Variants in PRPF40B observed in about 807,000 individuals in gnomAD.
PRPF40B encodes pre-mRNA processing factor 40B.
A neutral mutation model predicts 124.5 loss-of-function variants in PRPF40B; 56 were observed. That is an observed-to-expected ratio of 0.45 (90% CI 0.36 to 0.56). PRPF40B has a LOEUF of 0.56. Among genes scored for constraint, PRPF40B ranks in the 20% least tolerant of loss-of-function variants. The pLI is 0.00. For synonymous variants in PRPF40B, 443 were observed against 426.4 expected (o/e 1.04, Z -0.48); for missense variants, 1,053 against 1,169.5 (o/e 0.90, Z 1.45).
intron 22 of PRPF40B, 99 bp from the exon 23 acceptor site, chr12:49,643,124 C>G (rs2138662797): frequency 6.3e-7 from 1 of 1,584,926 alleles, no homozygotes; most frequent in Non-Finnish European, 8.6e-7. Context: ...TTTGAGGATT[C>G]CTTTGGCCCT....
intron 18 of PRPF40B, chr12:49,641,644 T>C (rs1942667809): frequency 1.1e-5 from 5 of 459,110 alleles, no homozygotes; most frequent in Non-Finnish European, 1.9e-5. Flanking sequence ...AAGTTAATTT[T>C]GAGAAACTCA....
rs1489356022 is a variant in PRPF40B, at chr12:49,632,162, C to T, written c.294+237C>T. ...GTTACTCACGTGCCTTGTCCAGCTC[C>T]CTTAAGGAGCACACTTATCCTCACA... is the stretch of plus-strand genomic sequence containing the variant. On this transcript the variant is annotated intron_variant, in intron 4 of 25. Transcript: ENST00000548825. The T allele has an allele frequency of 8.2e-6, 5 of 607,100 alleles. No homozygotes were observed. The Admixed American group carries it at 1.4e-4, about 17-fold the overall frequency. 37.6% of individuals were successfully genotyped at this position (607,100 alleles called of 1,614,324 possible).
In PRPF40B at chr12:49,642,358, ACT is replaced by A. The variant is rs779645254; in HGVS notation, c.2009_2010del (p.Thr670SerfsTer7). On this transcript the variant is annotated frameshift_variant, in exon 20 of 26. Coordinates refer to ENST00000548825, the MANE Select transcript of PRPF40B (RefSeq NM_001031698.3). LOFTEE classifies it high-confidence loss of function. This position sits in a 1 kb window ranked among gnomAD's most constrained non-coding sequence, Gnocchi z 5.8. The part of the protein sequence containing the change: ...RQAVPALELG[T>X]AWEEVRERFV... ...GGCTGTGCCTGCTCTGGAGCTAGGCACTGCCTGGGAAGAGGTCAGGAGCGTAG... is the reference window on the plus strand; with the variant it reads ...GGCTGTGCCTGCTCTGGAGCTAGGCAGCCTGGGAAGAGGTCAGGAGCGTAG... The A allele has an allele frequency of 6.2e-7, 1 of 1,613,838 alleles. No individual in the cohort carries two copies. The highest frequency in any genetic ancestry group is 1.3e-5 in the African/African-American group (1 of 75,040).
intron 16 of PRPF40B, 153 bp downstream of exon 16, chr12:49,637,002 T>C (rs955996605): frequency 8.7e-7 from 1 of 1,151,516 alleles, no homozygotes; most frequent in Non-Finnish European, 1.2e-6. Context: ...CTGCAGTCTG[T>C]TTCTGCTGTA....
intron 16 of PRPF40B, 65 bp from the exon 17 acceptor site, chr12:49,637,405 C>T (rs1460493303): frequency 2.7e-5 from 30 of 1,107,810 alleles, no homozygotes; most frequent in African/African-American, 4.6e-5. Flanking sequence ...TCCCTCTCTT[C>T]CCCCTCAGTC....
rs544149885 is a variant in PRPF40B, at chr12:49,635,155, G to A, written c.1058G>A (p.Arg353Gln). Reference sequence around the variant, plus strand: ...GCATTCAATGCCTACAAGGCGCAGCGGGAGAAGGAGGAGAAGGAGGAGGCC... The same window carrying A: ...GCATTCAATGCCTACAAGGCGCAGCAGGAGAAGGAGGAGAAGGAGGAGGCC... ...KQAFNAYKAQREKEEKEEARL... is the reference protein window; with the variant it reads ...KQAFNAYKAQQEKEEKEEARL... The change falls in exon 13 of 26, where the codon CGG (arginine) becomes CAG (glutamine). Residue 353 changes from arginine to glutamine, a missense_variant. This residue lies in a region of PRPF40B where 895 missense variants were observed against 1,052.2 expected (regional missense o/e 0.85). Coordinates refer to ENST00000548825, the MANE Select transcript of PRPF40B (RefSeq NM_001031698.3). The surrounding 1 kb of genome is among the most constrained non-coding windows in gnomAD (Gnocchi z 4.1). 2.6e-5 allele frequency: 42 copies of A among 1,614,056 alleles called. No individual in the cohort carries two copies. The Admixed American group carries it at 5.0e-4, about 19-fold the overall frequency.
Position 49,643,885 on chromosome 12 carries a change from C to G in PRPF40B, c.2467C>G (p.Pro823Ala). The G allele has an allele frequency of 6.2e-7, 1 of 1,614,072 alleles. No homozygotes were observed. The highest frequency in any genetic ancestry group is 1.3e-5 in the African/African-American group (1 of 74,974). Residue 823 changes from proline (P) to alanine (A), a missense_variant, in exon 25 of 26, where the codon CCT (proline) becomes GCT (alanine). By Grantham distance (27) the Pro-to-Ala change is conservative. Coordinates refer to ENST00000548825, the MANE Select transcript of PRPF40B (RefSeq NM_001031698.3). Reference sequence around the variant, plus strand: ...GAATAGTCCTGAGAGTGAGACAGACCCTGAGGAGAAAGCTGGCAAGGAGAG... The same window carrying G: ...GAATAGTCCTGAGAGTGAGACAGACGCTGAGGAGAAAGCTGGCAAGGAGAG... ...KSNSPESETD[P>A]EEKAGKESDE...
In PRPF40B at chr12:49,632,424, G is replaced by A. The variant is rs554158092; in HGVS notation, c.295-172G>A. 13 of 698,180 alleles carry A rather than the reference G, an allele frequency of 1.9e-5. No individual in the cohort carries two copies. In the East Asian group the frequency reaches 3.3e-4, roughly 18 times the overall value. The allele number at this position is 698,180 out of a possible 1,614,324, so 43.2% of individuals were successfully genotyped here. The stretch of plus-strand genomic sequence containing the variant: ...TGGAGCTGCTATGCGATTCTCCCTT[G>A]GGATCCCAGAGCTATGGCCCTGAAG... On this transcript the variant is annotated intron_variant, in intron 4 of 25. Transcript: ENST00000548825.
chr12:49,629,880 A>C (rs1047480417), intron 1 of PRPF40B, among the ~76,000 whole-genome samples: 2 of 152,210 alleles, frequency 1.3e-5, no homozygotes, highest in Non-Finnish European at 2.9e-5. Context: ...ATAGTTCAGG[A>C]TTTGTAGAGG....
chr12:49,632,624 G>C lies in PRPF40B; in HGVS notation c.322+1G>C. ...GCTCCGGGTGCGGACACCGCCAGCTGTGAGTCTTCTGGGGGCCTGCTCCCC... is the reference window on the plus strand; with the variant it reads ...GCTCCGGGTGCGGACACCGCCAGCTCTGAGTCTTCTGGGGGCCTGCTCCCC... On this transcript the variant is annotated splice_donor_variant, in intron 5 of 25. Transcript: ENST00000548825. LOFTEE classifies it high-confidence loss of function. The C allele has an allele frequency of 6.2e-7, 1 of 1,613,822 alleles. No individual in the cohort carries two copies. Among genetic ancestry groups the C allele is most frequent in the Non-Finnish European group, 8.5e-7 (1 of 1,179,914 alleles).
Position 49,631,317 on chromosome 12 carries a change from G to A in PRPF40B, c.85-84G>A. ...GGGTGGAGGGTTGGGGAGGGAGGTG[G>A]TGGATATTTCCTGACAGGTCCTCTC... On this transcript the variant is annotated intron_variant, in intron 2 of 25. Coordinates refer to ENST00000548825, the MANE Select transcript of PRPF40B (RefSeq NM_001031698.3). This position sits in a 1 kb window ranked among gnomAD's most constrained non-coding sequence, Gnocchi z 4.3. 3 of 995,318 alleles carry A rather than the reference G, an allele frequency of 3.0e-6. No homozygotes were observed. The highest frequency in any genetic ancestry group is 4.4e-6 in the Non-Finnish European group (3 of 689,654). The allele number at this position is 995,318 out of a possible 1,614,324, so 61.7% of individuals were successfully genotyped here.
intron 1 of PRPF40B, among the ~76,000 whole-genome samples, chr12:49,629,223 A>C (rs1941009586): frequency 6.6e-6 from 1 of 152,248 alleles, no homozygotes; most frequent in African/African-American, 2.4e-5. Flanking sequence ...CTTTTATACA[A>C]ATGATAAAAG....
At position 49,642,293 on chromosome 12, in the gene PRPF40B, T is replaced by G; in HGVS notation, c.1943T>G (p.Met648Arg). Residue 648 changes from methionine (M) to arginine (R), a missense_variant, in exon 20 of 26, where the codon ATG becomes AGG. Met to Arg is a moderately conservative substitution (Grantham distance 91, BLOSUM62 -1). This residue lies in a region of PRPF40B where 895 missense variants were observed against 1,052.2 expected (regional missense o/e 0.85). Coordinates refer to ENST00000548825, the MANE Select transcript of PRPF40B (RefSeq NM_001031698.3). The surrounding 1 kb of genome is among the most constrained non-coding windows in gnomAD (Gnocchi z 5.8). Reference sequence around the variant, plus strand: ...CGGGAGAAGGAGGAGGCACGCAGGATGCGGCGCAGGGAAGCTGCCTTTCGA... The same window carrying G: ...CGGGAGAAGGAGGAGGCACGCAGGAGGCGGCGCAGGGAAGCTGCCTTTCGA... ...REREKEEARR[M>R]RRREAAFRSM... 6.2e-7 allele frequency: 1 copy of G among 1,614,152 alleles called. No homozygotes were observed. The highest frequency in any genetic ancestry group is 8.5e-7 in the Non-Finnish European group (1 of 1,180,022).
rs756500325 is a variant in PRPF40B, at chr12:49,632,869, A to G, written c.337A>G (p.Thr113Ala). The change falls in exon 6 of 26, where the codon ACA becomes GCA. Residue 113 changes from threonine (T) to alanine (A), a missense_variant. Transcript: ENST00000548825. ...CTTTTTTCTAGCTGCTGTGGCTGGG[A>G]CAGGCCCTCCGGTGAGTTCTTCCAG... is the stretch of plus-strand genomic sequence containing the variant. ...ADTASSAVAG[T>A]GPPRALWSEH... 2 of 1,613,652 alleles carry G rather than the reference A, an allele frequency of 1.2e-6. No individual in the cohort carries two copies. The highest frequency in any genetic ancestry group is 2.7e-5 in the African/African-American group (2 of 74,872).
intron 16 of PRPF40B, chr12:49,637,237 G>A (rs142467817): frequency 5.0e-5 from 29 of 577,444 alleles, no homozygotes; most frequent in South Asian, 3.5e-4. Flanking sequence ...TTTGCATCCC[G>A]GGACTGGCTT....
rs771695684 is a variant in PRPF40B at position 49,642,894 on chromosome 12, G to A, written c.2119-36G>A. 1.3e-4 allele frequency: 207 copies of A among 1,591,028 alleles called. No homozygotes were observed. The highest frequency in any genetic ancestry group is 1.8e-4 in the Admixed American group (10 of 57,042). ...AGGATCCTTCCTGGGGCTAAGTCTG[G>A]TGCTGTCCTCACCCTTCTTCCTCTG... On this transcript the variant is annotated intron_variant, in intron 21 of 25. Coordinates refer to ENST00000548825, the MANE Select transcript of PRPF40B (RefSeq NM_001031698.3). The surrounding 1 kb of genome is among the most constrained non-coding windows in gnomAD (Gnocchi z 5.8).
chr12:49,632,996 G>GCAC lies in PRPF40B; in HGVS notation c.349-17_349-16insACC. On this transcript the variant is annotated splice_polypyrimidine_tract_variant and intron_variant, in intron 6 of 25. Coordinates refer to ENST00000548825, the MANE Select transcript of PRPF40B (RefSeq NM_001031698.3). ...AAAGGGGCCTTGACCACCATTCTGT[G>GCAC]CCCCCCCCCCCACCCAGAGGGCCCT... 2 of 1,147,388 alleles carry GCAC rather than the reference G, an allele frequency of 1.7e-6. No homozygotes were observed. Among genetic ancestry groups the GCAC allele is most frequent in the Non-Finnish European group, 1.2e-6 (1 of 823,006 alleles). The allele number at this position is 1,147,388 out of a possible 1,614,324, so 71.1% of individuals were successfully genotyped here. A position where few individuals can be genotyped will look rare whatever the true frequency, so the allele number is the denominator to read the frequency against.
At chr12:49,633,581 C>T in intron 8 of PRPF40B, 34 bp downstream of exon 8, 4 of 1,614,214 alleles carry the variant, frequency 2.5e-6, no homozygotes, top group Non-Finnish European at 3.4e-6. Context: ...AGGTCAGGAG[C>T]TCTGGGGGCT....
At position 49,631,695 on chromosome 12, in the gene PRPF40B, A is replaced by G; in HGVS notation, c.228+151A>G. 1 of 1,287,666 alleles carries G rather than the reference A, an allele frequency of 7.8e-7. No homozygotes were observed. Among genetic ancestry groups the G allele is most frequent in the Non-Finnish European group, 1.1e-6 (1 of 900,588 alleles). The allele number at this position is 1,287,666 out of a possible 1,614,324, so 79.8% of individuals were successfully genotyped here. A position where few individuals can be genotyped will look rare whatever the true frequency, so the allele number is the denominator to read the frequency against. On this transcript the variant is annotated intron_variant, in intron 3 of 25. Coordinates refer to ENST00000548825, the MANE Select transcript of PRPF40B (RefSeq NM_001031698.3). This position sits in a 1 kb window ranked among gnomAD's most constrained non-coding sequence, Gnocchi z 4.3. ...GATTTGTCTGCTGAATGACTGAGACAACTCTCAGGCAAGGTGAGAGGCCAG... is the reference window on the plus strand; with the variant it reads ...GATTTGTCTGCTGAATGACTGAGACGACTCTCAGGCAAGGTGAGAGGCCAG...
Sources: allele counts gnomAD v4.1 joint callset (sites outside exome capture counted in the v4.1 genomes callset), GRCh38; gene constraint gnomAD v4.1.1; regional missense constraint gnomAD v4.1.1; non-coding constraint Gnocchi (gnomAD v3.1); transcripts MANE v1.5; gene names NCBI Gene and HGNC (gene_info 2026-07-23, HGNC 2026-07-21).